Variants in ANKRD24 observed in about 807,000 individuals in gnomAD.
ANKRD24 encodes the protein ankyrin repeat domain 24.
A neutral mutation model predicts 127.8 loss-of-function variants in ANKRD24; 109 were observed. The ratio of observed to expected loss-of-function variants is 0.85; its 90% CI spans 0.73 to 1.00. The LOEUF (loss-of-function observed/expected upper bound fraction) is 1.00, where lower values mean the gene tolerates loss of function less well. Among genes scored for constraint, ANKRD24 ranks in the 50% least tolerant of loss-of-function variants. The probability of loss-of-function intolerance (pLI) is 0.00; values close to 1 mark genes in which losing one functional copy is unlikely to be tolerated. For synonymous variants in ANKRD24, 743 were observed against 671.1 expected, an observed-to-expected ratio of 1.11 and a Z score of -1.66; for missense variants, 1,648 against 1,570.2, an observed-to-expected ratio of 1.05 and a Z score of -0.84.
At chr19:4,186,214 G>C in intron 1 of ANKRD24, 176 bp from the exon 2 acceptor site, 1 of 1,384,932 alleles carries the variant, frequency 7.2e-7, no homozygotes, top group Admixed American at 3.0e-5. Flanking sequence ...GAGAGGGCAA[G>C]TAAACTGCCA....
intron 2 of ANKRD24, among the ~76,000 whole-genome samples, chr19:4,190,423 C>T (rs527662882): frequency 4.9e-4 from 71 of 144,266 alleles, no homozygotes; most frequent in Non-Finnish European, 8.7e-4. Context: ...GACTCCGTCT[C>T]GAAAAAAAAA....
At chr19:4,190,424 GAA>G (rs540316686) in intron 2 of ANKRD24, among the ~76,000 whole-genome samples, 5 of 107,182 alleles carry the variant, frequency 4.7e-5, no homozygotes, top group Admixed American at 1.0e-4. Flanking sequence ...ACTCCGTCTC[GAA>G]AAAAAAAAAA....
At position 4,217,998 on chromosome 19, in the gene ANKRD24, G is replaced by A. The variant is rs1970218977; in HGVS notation, c.2838G>A (p.Glu946=). 6.5e-7 allele frequency: 1 copy of A among 1,533,788 alleles called. No homozygotes were observed. Among genetic ancestry groups the A allele is most frequent in the African/African-American group, 1.4e-5 (1 of 70,770 alleles). Reference sequence around the variant, plus strand: ...AGGAGGTGGTGGCCACGGGCAAGGAGGCCGCCCGGCTGCGCGCGGAGCTGG... The same window carrying A: ...AGGAGGTGGTGGCCACGGGCAAGGAAGCCGCCCGGCTGCGCGCGGAGCTGG... ...LEQEVVATGK[E]AARLRAELER... Residue 946 remains glutamate, a synonymous_variant, in exon 18 of 22, where the codon GAG becomes GAA. Transcript: ENST00000318934.
In ANKRD24 at chr19:4,217,189, T is replaced by A. The variant is rs773986712; in HGVS notation, c.2029T>A (p.Ser677Thr). ...TGTTNMEATG[S>T]RATGMESTGV... ...GACCACAAACATGGAGGCCACGGGC[T>A]CTAGGGCCACAGGGATGGAATCCAC... Residue 677 changes from serine (S) to threonine (T), a missense_variant, in exon 18 of 22, where the codon TCT (serine) becomes ACT (threonine). Ser to Thr is a moderately conservative substitution (Grantham distance 58). Transcript: ENST00000318934. 2.5e-5 allele frequency: 41 copies of A among 1,609,762 alleles called. No individual in the cohort carries two copies. The highest frequency in any genetic ancestry group is 3.3e-5 in the Non-Finnish European group (39 of 1,177,586).
Position 4,212,717 on chromosome 19 carries a change from C to A in ANKRD24, c.1197+19C>A. 1 of 1,547,204 alleles carries A rather than the reference C, an allele frequency of 6.5e-7. No individual in the cohort carries two copies. Among genetic ancestry groups the A allele is most frequent in the South Asian group, 1.2e-5 (1 of 83,704 alleles). ...GCTGGAGGTAGGAGCAGTGATGAGT[C>A]AGGGCTGGGCTGGGGCTGGGTCGGG... On this transcript the variant is annotated intron_variant, in intron 15 of 21. Coordinates refer to ENST00000318934, the MANE Select transcript of ANKRD24 (RefSeq NM_001393985.1).
At chr19:4,208,664 C>A in intron 10 of ANKRD24, 100 bp from the exon 11 acceptor site, 1 of 1,194,654 alleles carries the variant, frequency 8.4e-7, no homozygotes, top group Admixed American at 2.3e-5. Flanking sequence ...CGCCCTGATT[C>A]TTGGGGAAAT....
At chr19:4,210,003 G>T in intron 11 of ANKRD24, 55 bp from the exon 12 acceptor site, 1 of 1,083,314 alleles carries the variant, frequency 9.2e-7, no homozygotes, top group Non-Finnish European at 1.4e-6. Context: ...CTGTGGGGGA[G>T]GCTGGCATGG....
chr19:4,222,588 G>A, intron 19 of ANKRD24, 82 bp from the exon 20 acceptor site: 1 of 1,432,544 alleles, frequency 7.0e-7, no homozygotes, highest in Non-Finnish European at 9.3e-7. Context: ...CTTTATCCCT[G>A]GCCTCTTCCT....
chr19:4,224,705 A>G lies in ANKRD24; in HGVS notation c.*200A>G. 1 of 597,136 alleles carries G rather than the reference A, an allele frequency of 1.7e-6. No individual in the cohort carries two copies. The highest frequency in any genetic ancestry group is 2.8e-5 in the East Asian group (1 of 35,618). The allele number at this position is 597,136 out of a possible 1,614,324, so 37.0% of individuals were successfully genotyped here. ...TGGTCTCTGCACGCACACACTGGTC[A>G]GTCTGGACCCGGGCCGTGACTGCCC... On this transcript the variant is annotated 3_prime_UTR_variant, in exon 22 of 22. Coordinates refer to ENST00000318934, the MANE Select transcript of ANKRD24 (RefSeq NM_001393985.1).
At chr19:4,210,218 G>T (rs766085146) in intron 12 of ANKRD24, 47 bp from the exon 13 acceptor site, 1 of 1,561,548 alleles carries the variant, frequency 6.4e-7, no homozygotes, top group Non-Finnish European at 8.7e-7. Flanking sequence ...ACCTGGGATG[G>T]GGCAACCTTA....
Position 4,190,136 on chromosome 19 carries a change from G to A in ANKRD24, c.36+3675G>A, listed in dbSNP as rs547073914. On this transcript the variant is annotated intron_variant, in intron 2 of 21. Transcript: ENST00000318934. ...CAATTACAGCCCACCCTCCTGCACA[G>A]TCAAAAATCCATGTATAGGCTGGGC... Among the ~76,000 whole-genome samples, 3 of 152,160 alleles carry A rather than the reference G, an allele frequency of 2.0e-5. No individual in the cohort carries two copies. In the South Asian group the frequency reaches 6.2e-4, roughly 32 times the overall value.
chr19:4,223,395 ATATATATTT>A (rs1347085022), intron 20 of ANKRD24, among the ~76,000 whole-genome samples: 77 of 58,940 alleles, frequency 1.3e-3, no homozygotes, highest in Non-Finnish European at 1.9e-3. Flanking sequence ...ATATATATAT[ATATATATTT>A]TTTTTTTTTT....
At chr19:4,219,260 T>C (rs1327878630) in intron 18 of ANKRD24, among the ~76,000 whole-genome samples, 1 of 151,374 alleles carries the variant, frequency 6.6e-6, no homozygotes, top group Admixed American at 6.6e-5. Context: ...CACTCCAGCC[T>C]AGGCGACAGA....
chr19:4,205,468 C>T (rs1221423854), intron 7 of ANKRD24, among the ~76,000 whole-genome samples: 1 of 152,198 alleles, frequency 6.6e-6, no homozygotes, highest in Admixed American at 6.5e-5. Context: ...AGACCATGCC[C>T]TTGTGTCAGC....
intron 7 of ANKRD24, among the ~76,000 whole-genome samples, chr19:4,206,276 C>T (rs550806216): frequency 6.6e-6 from 1 of 151,780 alleles, no homozygotes; most frequent in East Asian, 1.9e-4. Context: ...AGGAGGATTG[C>T]TTGAACCTAG....
In ANKRD24 at chr19:4,198,575, T is replaced by TA; in HGVS notation, c.37-1107dup. 2.0e-6 allele frequency: 1 copy of TA among 491,728 alleles called. No individual in the cohort carries two copies. Among genetic ancestry groups the TA allele is most frequent in the Non-Finnish European group, 3.6e-6 (1 of 277,010 alleles). The allele number at this position is 491,728 out of a possible 1,614,324, so 30.5% of individuals were successfully genotyped here. The stretch of plus-strand genomic sequence containing the variant: ...GGCGCAGGAGCGGGCGGGGCGCGGG[T>TA]ACCTCCTCTCCCCTCCCTTCCCCGT... On this transcript the variant is annotated intron_variant, in intron 2 of 21. Transcript: ENST00000318934. This position sits in a 1 kb window ranked among gnomAD's most constrained non-coding sequence, Gnocchi z 6.1.
rs1449599032 is a variant in ANKRD24 at position 4,215,243 on chromosome 19, T to C, written c.1198-735T>C. On this transcript the variant is annotated intron_variant, in intron 15 of 21. Transcript: ENST00000318934. ...GCTCACGCCTGTAATCCCACCACTT[T>C]GGGAGGCCAAGGCGGGTGGATCACC... 3.3e-5 allele frequency among the ~76,000 whole-genome samples: 5 copies of C among 152,310 alleles called. No individual in the cohort carries two copies. In the East Asian group the frequency reaches 9.6e-4, roughly 29 times the overall value.
chr19:4,211,768 C>G (rs1969755143), intron 13 of ANKRD24, among the ~76,000 whole-genome samples: 1 of 152,116 alleles, frequency 6.6e-6, no homozygotes, highest in Non-Finnish European at 1.5e-5. Flanking sequence ...ATGGTGCATA[C>G]TGGCACACAC....
rs932748325 is a variant in ANKRD24, at chr19:4,217,793, G to A, written c.2633G>A (p.Arg878Gln). The change falls in exon 18 of 22, where the codon CGG (arginine) becomes CAG (glutamine). Residue 878 changes from arginine to glutamine, a missense_variant. Transcript: ENST00000318934. ...GCGGCCGCGGAACTGGGCCGGGCAC[G>A]GGACGCCGCTGAGGCCCGAGTGGCT... Reference protein sequence around the residue: ...RTAAAELGRARDAAEARVAEL... With the variant: ...RTAAAELGRAQDAAEARVAEL... 6 of 1,334,978 alleles carry A rather than the reference G, an allele frequency of 4.5e-6. No individual in the cohort carries two copies. Among genetic ancestry groups the A allele is most frequent in the Non-Finnish European group, 5.7e-6 (6 of 1,047,576 alleles). 82.7% of individuals were successfully genotyped at this position (1,334,978 alleles called of 1,614,324 possible).
Sources: allele counts gnomAD v4.1 joint callset (sites outside exome capture counted in the v4.1 genomes callset), GRCh38; gene constraint gnomAD v4.1.1; non-coding constraint Gnocchi (gnomAD v3.1); transcripts MANE v1.5; gene names NCBI Gene and HGNC (gene_info 2026-07-23, HGNC 2026-07-21).